Variants in TNKS observed in about 807,000 individuals in gnomAD.
The protein encoded by TNKS is poly [ADP-ribose] polymerase tankyrase-1.
TNKS carries 72 observed loss-of-function variants against 135.8 expected under a neutral mutation model. The ratio of observed to expected loss-of-function variants is 0.53; its 90% CI spans 0.44 to 0.64. The LOEUF (loss-of-function observed/expected upper bound fraction) is 0.64, where lower values mean the gene tolerates loss of function less well. TNKS is among the 30% of genes least tolerant of loss of function. The pLI, the probability that TNKS is intolerant of heterozygous loss-of-function variation, is 0.00. For synonymous variants in TNKS, 849 were observed against 649.3 expected (o/e 1.31, Z -4.68); for missense variants, 1,769 against 1,674.0 (o/e 1.06, Z -0.99).
chr8:9,692,326 G>A (rs1803313773), intron 5 of TNKS, among the ~76,000 whole-genome samples: 1 of 152,108 alleles, frequency 6.6e-6, no homozygotes, highest in Admixed American at 6.5e-5. Context: ...GTTCACTTAG[G>A]ATAATGGCTT....
At chr8:9,768,285 G>A (rs561531823) in intron 25 of TNKS, among the ~76,000 whole-genome samples, 16 of 152,286 alleles carry the variant, frequency 1.1e-4, no homozygotes, top group Middle Eastern at 3.4e-3. Context: ...CAGAGCAACC[G>A]CAGTGAGGTG....
intron 20 of TNKS, among the ~76,000 whole-genome samples, chr8:9,754,521 T>TA (rs1411822948): frequency 1.3e-5 from 2 of 152,182 alleles, no homozygotes; most frequent in African/African-American, 2.4e-5. Context: ...CTCTTTTTTT[T>TA]AGCTACATTT....
rs574869039 is a variant in TNKS at position 9,721,002 on chromosome 8, C to A, written c.1921+457C>A. On this transcript the variant is annotated intron_variant, in intron 12 of 26. Coordinates refer to ENST00000310430, the MANE Select transcript of TNKS (RefSeq NM_003747.3). ...TTTCTGGCTTAAATATAATTATAGG[C>A]CGGGCACAGTGGCTCACTCCTGTAA... Among the ~76,000 whole-genome samples, 4 of 152,118 alleles carry A rather than the reference C, an allele frequency of 2.6e-5. No homozygotes were observed. The East Asian group carries it at 7.7e-4, about 29-fold the overall frequency.
chr8:9,667,845 T>G (rs893958123), intron 3 of TNKS, among the ~76,000 whole-genome samples: 50 of 152,102 alleles, frequency 3.3e-4, no homozygotes, highest in African/African-American at 1.2e-3. Flanking sequence ...CTGGGTTTTT[T>G]TTTTTTTTTT....
At chr8:9,740,459 A>G (rs1415011417) in intron 17 of TNKS, among the ~76,000 whole-genome samples, 3 of 152,294 alleles carry the variant, frequency 2.0e-5, no homozygotes, top group African/African-American at 7.2e-5. Context: ...TTGTAATGAG[A>G]CTGTCGTCTC....
At chr8:9,706,282 A>G in intron 7 of TNKS, 29 bp downstream of exon 7, 5 of 1,424,110 alleles carry the variant, frequency 3.5e-6, no homozygotes, top group Non-Finnish European at 4.6e-6. Context: ...ATTGAGCATC[A>G]TTTACTTTTT....
chr8:9,574,906 G>T, intron 1 of TNKS: 1 of 387,486 alleles, frequency 2.6e-6, no homozygotes, highest in Non-Finnish European at 3.5e-6. Flanking sequence ...CTTCTTGTCT[G>T]AGAACCTAGA....
intron 2 of TNKS, among the ~76,000 whole-genome samples, chr8:9,598,438 G>C (rs978648805): frequency 6.6e-6 from 1 of 152,066 alleles, no homozygotes; most frequent in African/African-American, 2.4e-5. Flanking sequence ...TTCCTTGGGA[G>C]GGAGGATGTT....
At chr8:9,601,973 G>A (rs1031366882) in intron 2 of TNKS, among the ~76,000 whole-genome samples, 8 of 152,016 alleles carry the variant, frequency 5.3e-5, no homozygotes, top group Admixed American at 5.2e-4. Flanking sequence ...AGGTGGGGAC[G>A]GGTCCATAGG....
intron 2 of TNKS, among the ~76,000 whole-genome samples, chr8:9,582,885 G>A (rs965419176): frequency 6.6e-6 from 1 of 151,944 alleles, no homozygotes; most frequent in Non-Finnish European, 1.5e-5. Flanking sequence ...GTCCATTTAG[G>A]GGCAGGCGCG....
At chr8:9,759,832 G>A (rs954306410) in intron 20 of TNKS, among the ~76,000 whole-genome samples, 1 of 151,944 alleles carries the variant, frequency 6.6e-6, no homozygotes, top group Non-Finnish European at 1.5e-5. Context: ...AAAATTAGCC[G>A]GGCGTGGTGG....
At chr8:9,692,260 T>C (rs754598757) in intron 5 of TNKS, among the ~76,000 whole-genome samples, 12 of 152,234 alleles carry the variant, frequency 7.9e-5, no homozygotes, top group Non-Finnish European at 1.8e-4. Context: ...GTGTATTCAC[T>C]GTTTAGCTCC....
At chr8:9,679,711 G>T in intron 3 of TNKS, 1 of 464,614 alleles carries the variant, frequency 2.2e-6, no homozygotes, top group Admixed American at 3.4e-5. Context: ...TTCATTGGTT[G>T]TCTGAAGAAA....
chr8:9,662,281 A>G (rs1470786997), intron 3 of TNKS, among the ~76,000 whole-genome samples: 4 of 152,252 alleles, frequency 2.6e-5, no homozygotes, highest in Non-Finnish European at 5.9e-5. Flanking sequence ...TGCTGCTATA[A>G]AGACACATGC....
At chr8:9,720,030 G>A (rs990326324) in intron 11 of TNKS, among the ~76,000 whole-genome samples, 1 of 152,152 alleles carries the variant, frequency 6.6e-6, no homozygotes, top group African/African-American at 2.4e-5. Context: ...GAAGAATTTG[G>A]TGAGCATCCT....
At chr8:9,630,848 C>A (rs1800263248) in intron 3 of TNKS, among the ~76,000 whole-genome samples, 1 of 152,072 alleles carries the variant, frequency 6.6e-6, no homozygotes, top group Non-Finnish European at 1.5e-5. Flanking sequence ...TTATTGATTG[C>A]CTTATGCTCT....
intron 17 of TNKS, among the ~76,000 whole-genome samples, chr8:9,742,148 G>C (rs541515398): frequency 6.6e-6 from 1 of 152,208 alleles, no homozygotes; most frequent in South Asian, 2.1e-4. Context: ...GCTACATAAT[G>C]TGTTTATAGC....
At chr8:9,749,778 T>C (rs1263935547) in intron 18 of TNKS, among the ~76,000 whole-genome samples, 6 of 152,150 alleles carry the variant, frequency 3.9e-5, no homozygotes, top group Non-Finnish European at 8.8e-5. Context: ...CCACTGTACA[T>C]AGCCTCTGTA....
At chr8:9,775,468 T>C (rs1289961226) in intron 26 of TNKS, among the ~76,000 whole-genome samples, 1 of 14,678 alleles carries the variant, frequency 6.8e-5, no homozygotes, top group East Asian at 1.7e-3. Flanking sequence ...TCTATATATA[T>C]ATATATATAT....
Sources: allele counts gnomAD v4.1 joint callset (sites outside exome capture counted in the v4.1 genomes callset), GRCh38; gene constraint gnomAD v4.1.1; transcripts MANE v1.5; gene names NCBI Gene and HGNC (gene_info 2026-07-23, HGNC 2026-07-21).